The following ANO4 variants were observed in gnomAD, a reference collection of about 807,000 sequenced individuals.
ANO4 encodes the protein anoctamin 4.
A neutral mutation model predicts 141.9 loss-of-function variants in ANO4; 69 were observed. The ratio of observed to expected loss-of-function variants is 0.49; its 90% CI spans 0.40 to 0.59. ANO4 has a LOEUF of 0.59. ANO4 is among the 20% of genes least tolerant of loss of function. The pLI, the probability that ANO4 is intolerant of heterozygous loss-of-function variation, is 0.00. For missense variants in ANO4, 894 were observed against 1,162.2 expected (o/e 0.77, Z 3.36); for synonymous variants, 350 against 394.3 (o/e 0.89, Z 1.33).
chr12:101,023,246 A>G (rs2046603582), intron 9 of ANO4, among the ~76,000 whole-genome samples: 1 of 152,232 alleles, frequency 6.6e-6, no homozygotes, highest in Non-Finnish European at 1.5e-5. Context: ...AAGGACAGAG[A>G]CAGTGATTTT....
chr12:100,722,199 C>T (rs1396784313), intron 1 of ANO4, among the ~76,000 whole-genome samples: 1 of 152,160 alleles, frequency 6.6e-6, no homozygotes, highest in Non-Finnish European at 1.5e-5. Context: ...CATCTTTCAA[C>T]TTTGCTTTCT....
intron 1 of ANO4, among the ~76,000 whole-genome samples, chr12:100,796,375 T>G (rs1440048387): frequency 6.6e-6 from 1 of 152,216 alleles, no homozygotes; most frequent in Non-Finnish European, 1.5e-5. Flanking sequence ...TTGCTCATTT[T>G]CACTACTTTT....
intron 1 of ANO4, among the ~76,000 whole-genome samples, chr12:100,830,548 G>A (rs550736979): frequency 5.9e-5 from 9 of 152,072 alleles, no homozygotes; most frequent in African/African-American, 2.2e-4. Context: ...CCAAAGTGTA[G>A]GTTCTGTCAT....
At chr12:100,830,834 C>T (rs965553484) in intron 1 of ANO4, among the ~76,000 whole-genome samples, 2 of 152,034 alleles carry the variant, frequency 1.3e-5, no homozygotes, top group Non-Finnish European at 2.9e-5. Context: ...ACTGTGAGCT[C>T]ACTTTTAGCT....
At chr12:101,048,548 T>C (rs2047730305) in intron 14 of ANO4, 147 bp downstream of exon 14, 4 of 689,162 alleles carry the variant, frequency 5.8e-6, no homozygotes, top group South Asian at 2.2e-5. Context: ...AAATAATTTA[T>C]TGGGTTTATT....
intron 14 of ANO4, among the ~76,000 whole-genome samples, chr12:101,074,368 C>T (rs1267755640): frequency 2.0e-5 from 3 of 152,126 alleles, no homozygotes; most frequent in Non-Finnish European, 2.9e-5. Flanking sequence ...GGGTTCTACC[C>T]GTCCAGAAGG....
Position 100,860,872 on chromosome 12 carries a change from G to A in ANO4, c.-140-40774G>A, listed in dbSNP as rs59471829. Among the ~76,000 whole-genome samples the A allele has an allele frequency of 2.4e-3, 369 of 152,284 alleles. 2 individuals are homozygous for A. Among genetic ancestry groups the A allele is most frequent in the East Asian group, 0.018 (95 of 5,170 alleles). On this transcript the variant is annotated intron_variant, in intron 1 of 27. Transcript: ENST00000392977. ...GACTATCACAGTGTGTCCAGAGTTC[G>A]TTCCTTCTGGTGCATTTGTGTTCTC...
intron 1 of ANO4, among the ~76,000 whole-genome samples, chr12:100,875,653 A>G (rs1291184396): frequency 6.6e-6 from 1 of 152,176 alleles, no homozygotes. Flanking sequence ...CAGAGTGGAG[A>G]CAGTAGACGT....
At chr12:100,897,931 A>G (rs982013763) in intron 1 of ANO4, among the ~76,000 whole-genome samples, 2 of 152,230 alleles carry the variant, frequency 1.3e-5, no homozygotes, top group African/African-American at 4.8e-5. Context: ...GCTTTCTGTT[A>G]AGTTACTATT....
At chr12:100,804,646 G>C (rs1443249971) in intron 1 of ANO4, among the ~76,000 whole-genome samples, 1 of 152,110 alleles carries the variant, frequency 6.6e-6, no homozygotes, top group Non-Finnish European at 1.5e-5. Flanking sequence ...TCACCCTTCT[G>C]ACTGGCGTGA....
chr12:101,112,366 G>A (rs751454258), intron 24 of ANO4, among the ~76,000 whole-genome samples: 1 of 152,220 alleles, frequency 6.6e-6, no homozygotes, highest in Admixed American at 6.5e-5. Context: ...TATATGGTCA[G>A]ATAAAGATAA....
chr12:101,048,472 A>G lies in ANO4; in HGVS notation c.1312+71A>G, dbSNP rs1566174618. The G allele has an allele frequency of 3.6e-6, 5 of 1,371,604 alleles. No individual in the cohort carries two copies. The East Asian group carries it at 1.2e-4, about 32-fold the overall frequency. 85.0% of individuals were successfully genotyped at this position (1,371,604 alleles called of 1,614,324 possible). ...TATGATATATTCCTTTAGAAGTTTC[A>G]CTTTGGATGTGAAAGAAAGAAGCTT... On this transcript the variant is annotated intron_variant, in intron 14 of 27. Transcript: ENST00000392977.
At chr12:100,907,202 A>G (rs548730459) in intron 2 of ANO4, among the ~76,000 whole-genome samples, 26 of 152,076 alleles carry the variant, frequency 1.7e-4, no homozygotes, top group Non-Finnish European at 3.2e-4. Context: ...GGCTTATCTC[A>G]TTTTACACTG....
intron 9 of ANO4, among the ~76,000 whole-genome samples, chr12:101,024,587 C>T (rs375297192): frequency 1.4e-5 from 2 of 138,030 alleles, no homozygotes; most frequent in African/African-American, 5.1e-5. Flanking sequence ...CAGAGTGAGA[C>T]TCTGTCTCAA....
chr12:100,721,202 T>G (rs1683559714), intron 1 of ANO4, among the ~76,000 whole-genome samples: 1 of 152,238 alleles, frequency 6.6e-6, no homozygotes. Flanking sequence ...CTCCTGTCCC[T>G]GTTTTCTATA....
At chr12:101,016,901 G>T (rs1393737813) in intron 8 of ANO4, among the ~76,000 whole-genome samples, 2 of 152,194 alleles carry the variant, frequency 1.3e-5, no homozygotes, top group African/African-American at 4.8e-5. Flanking sequence ...ACCCAGAAAA[G>T]TTGAGGGATA....
At chr12:100,822,944 G>A (rs57600454) in intron 1 of ANO4, among the ~76,000 whole-genome samples, 2,777 of 151,790 alleles carry the variant, frequency 0.018, 78 homozygotes, top group African/African-American at 0.061. Flanking sequence ...TTTGCTTTGC[G>A]TAATATTTTC....
chr12:101,009,504 T>A (rs2045995054), intron 8 of ANO4, among the ~76,000 whole-genome samples: 1 of 152,148 alleles, frequency 6.6e-6, no homozygotes, highest in Non-Finnish European at 1.5e-5. Flanking sequence ...AAAACCAAAA[T>A]CTGTTTTTCT....
intron 3 of ANO4, among the ~76,000 whole-genome samples, chr12:100,758,486 G>A (rs773580760): frequency 6.6e-6 from 1 of 152,138 alleles, no homozygotes; most frequent in Non-Finnish European, 1.5e-5. Flanking sequence ...TGCTGGGGAT[G>A]TATCCTTAGG....
Sources: gnomAD v4.1 joint callset for allele counts (sites outside exome capture counted in the v4.1 genomes callset) on GRCh38, gnomAD v4.1.1 for gene constraint, MANE v1.5 for transcripts, NCBI Gene and HGNC (gene_info 2026-07-23, HGNC 2026-07-21) for gene names.